Variants in SENP6 observed in about 807,000 individuals in gnomAD.
The protein encoded by SENP6 is sentrin-specific protease 6.
Under a neutral mutation model 134.5 loss-of-function variants are expected in SENP6, and 41 were observed. That is an observed-to-expected ratio of 0.30 (90% CI 0.24 to 0.40). SENP6 has a LOEUF of 0.40. Among genes scored for constraint, SENP6 ranks in the 10% least tolerant of loss-of-function variants. The probability of loss-of-function intolerance (pLI) is 1.00; values close to 1 mark genes in which losing one functional copy is unlikely to be tolerated. For synonymous variants in SENP6, 395 were observed against 429.8 expected (o/e 0.92, Z 1.00); for missense variants, 1,248 against 1,312.5 (o/e 0.95, Z 0.76).
At chr6:75,624,057 C>T (rs561525755) in intron 3 of SENP6, 97 bp downstream of exon 3, 2 of 897,290 alleles carry the variant, frequency 2.2e-6, no homozygotes, top group East Asian at 2.7e-5. Context: ...ACCCCAGTTA[C>T]CCACTTTCTC....
intron 9 of SENP6, among the ~76,000 whole-genome samples, chr6:75,664,105 A>G (rs1772002702): frequency 6.6e-6 from 1 of 152,124 alleles, no homozygotes; most frequent in African/African-American, 2.4e-5. Flanking sequence ...CAAGCTACAG[A>G]TAAGAGTGTA....
chr6:75,676,307 A>G (rs1773081284), intron 13 of SENP6, among the ~76,000 whole-genome samples: 1 of 152,102 alleles, frequency 6.6e-6, no homozygotes, highest in African/African-American at 2.4e-5. Flanking sequence ...TTAAAACCCA[A>G]AAGATCTGCA....
chr6:75,661,467 G>A (rs948274220), intron 8 of SENP6, among the ~76,000 whole-genome samples: 1 of 152,216 alleles, frequency 6.6e-6, no homozygotes, highest in Non-Finnish European at 1.5e-5. Context: ...AAGTTCAGGG[G>A]TACATGTACA....
intron 16 of SENP6, among the ~76,000 whole-genome samples, chr6:75,692,677 T>G (rs1774358147): frequency 6.6e-6 from 1 of 151,936 alleles, no homozygotes; most frequent in Non-Finnish European, 1.5e-5. Context: ...CCTGTAATCC[T>G]GGAGGCTTCC....
At position 75,602,459 on chromosome 6, in the gene SENP6, C is replaced by T. The variant is rs45598035; in HGVS notation, c.-66C>T. 14,350 of 1,537,138 alleles carry T rather than the reference C, an allele frequency of 9.3e-3. 71 individuals are homozygous for T. The highest frequency in any genetic ancestry group is 0.011 in the Non-Finnish European group (12,727 of 1,136,516). On this transcript the variant is annotated 5_prime_UTR_variant, in exon 1 of 24. Transcript: ENST00000447266. ...TCTACCCTCCTCCGGCGCGGCCCCT[C>T]ATCCCGGCGAGCACGGCGGCGGTGT...
At chr6:75,685,842 G>T (rs1314623234) in intron 16 of SENP6, among the ~76,000 whole-genome samples, 2 of 152,160 alleles carry the variant, frequency 1.3e-5, no homozygotes, top group African/African-American at 4.8e-5. Flanking sequence ...GAATAAGTGC[G>T]ATGTGGTGCT....
chr6:75,680,238 G>A (rs1773371798), intron 16 of SENP6, among the ~76,000 whole-genome samples: 1 of 152,198 alleles, frequency 6.6e-6, no homozygotes, highest in Non-Finnish European at 1.5e-5. Flanking sequence ...CCTGCTAAAT[G>A]ATGTTGGCAC....
intron 5 of SENP6, among the ~76,000 whole-genome samples, chr6:75,638,157 T>A (rs1053566351): frequency 1.3e-5 from 2 of 152,004 alleles, no homozygotes; most frequent in Non-Finnish European, 2.9e-5. Context: ...CCACCACACC[T>A]GTCCCATTTT....
At chr6:75,693,066 T>A (rs1774396841) in intron 16 of SENP6, among the ~76,000 whole-genome samples, 1 of 152,158 alleles carries the variant, frequency 6.6e-6, no homozygotes, top group Non-Finnish European at 1.5e-5. Flanking sequence ...ATTTCCTTTT[T>A]TTAAGGTGAA....
At chr6:75,660,133 T>C (rs1316664898) in intron 8 of SENP6, among the ~76,000 whole-genome samples, 3 of 152,234 alleles carry the variant, frequency 2.0e-5, no homozygotes, top group African/African-American at 4.8e-5. Flanking sequence ...TTGAGGAGTA[T>C]AGGACACTTA....
chr6:75,619,130 A>G (rs1191472397), intron 1 of SENP6, among the ~76,000 whole-genome samples: 1 of 152,018 alleles, frequency 6.6e-6, no homozygotes, highest in African/African-American at 2.4e-5. Flanking sequence ...ATTGGTATTA[A>G]GTACATTTAT....
intron 2 of SENP6, among the ~76,000 whole-genome samples, chr6:75,621,927 G>A (rs1443067754): frequency 1.3e-5 from 2 of 152,058 alleles, no homozygotes; most frequent in South Asian, 2.1e-4. Context: ...TTTTAAAAAG[G>A]CATTCTGTTC....
intron 7 of SENP6, among the ~76,000 whole-genome samples, chr6:75,657,930 T>C (rs1771470811): frequency 6.6e-6 from 1 of 152,080 alleles, no homozygotes; most frequent in Non-Finnish European, 1.5e-5. Flanking sequence ...GGAAGTAAGA[T>C]TGAAACAGGA....
chr6:75,699,731 C>T (rs1050211723), intron 18 of SENP6, among the ~76,000 whole-genome samples: 2 of 152,008 alleles, frequency 1.3e-5, no homozygotes, highest in African/African-American at 4.8e-5. Context: ...CCGAAGCGGT[C>T]CACCTGCCGT....
rs200170034 is a variant in SENP6, at chr6:75,666,159, G to GAT, written c.995-543_995-542dup. ...TATATGATATATATAAAACATATAT[G>GAT]ATATATATATAAAACGTATATATGA... On this transcript the variant is annotated intron_variant, in intron 9 of 23. Coordinates refer to ENST00000447266, the MANE Select transcript of SENP6 (RefSeq NM_015571.4). Among the ~76,000 whole-genome samples the GAT allele has an allele frequency of 5.5e-3, 654 of 119,672 alleles. 4 individuals carry two copies. Among genetic ancestry groups the GAT allele is most frequent in the Non-Finnish European group, 9.9e-3 (541 of 54,868 alleles). 78.5% of individuals were successfully genotyped at this position (119,672 alleles called of 152,430 possible).
intron 18 of SENP6, among the ~76,000 whole-genome samples, chr6:75,698,847 C>G (rs556575089): frequency 1.3e-5 from 2 of 151,852 alleles, no homozygotes; most frequent in Admixed American, 1.3e-4. Flanking sequence ...CTCGTCTCTA[C>G]TGAAAATACA....
At chr6:75,632,000 G>C (rs923881339) in intron 3 of SENP6, among the ~76,000 whole-genome samples, 1 of 152,122 alleles carries the variant, frequency 6.6e-6, no homozygotes, top group Non-Finnish European at 1.5e-5. Flanking sequence ...GATATTTTTT[G>C]TTTTTGTTTC....
At chr6:75,615,666 TTTCC>T (rs990181456) in intron 1 of SENP6, among the ~76,000 whole-genome samples, 2 of 152,236 alleles carry the variant, frequency 1.3e-5, no homozygotes, top group Non-Finnish European at 2.9e-5. Context: ...GCTCAGTAAT[TTTCC>T]TTCCTTGAAT....
intron 5 of SENP6, among the ~76,000 whole-genome samples, chr6:75,637,759 G>A (rs890333301): frequency 1.3e-5 from 2 of 152,060 alleles, no homozygotes; most frequent in African/African-American, 4.8e-5. Context: ...AACTTAGGGG[G>A]ATATGGATGT....
Sources: gnomAD v4.1 joint callset for allele counts (sites outside exome capture counted in the v4.1 genomes callset) on GRCh38, gnomAD v4.1.1 for gene constraint, MANE v1.5 for transcripts, NCBI Gene and HGNC (gene_info 2026-07-23, HGNC 2026-07-21) for gene names.